CCDC178: variants seen among roughly 807,000 people sequenced by gnomAD.
CCDC178 encodes coiled-coil domain containing 178.
In CCDC178, 126 loss-of-function variants were observed where a neutral mutation model predicts 117.4. The ratio of observed to expected loss-of-function variants is 1.07; its 90% confidence interval spans 0.93 to 1.24. The LOEUF (loss-of-function observed/expected upper bound fraction) is 1.24, where lower values mean the gene tolerates loss of function less well. CCDC178 is among the 50% of genes most tolerant of loss of function. The probability of loss-of-function intolerance (pLI) is 0.00; values close to 1 mark genes in which losing one functional copy is unlikely to be tolerated. For synonymous variants in CCDC178, 283 were observed against 313.4 expected (o/e 0.90, Z 1.02); for missense variants, 1,030 against 986.9 (o/e 1.04, Z -0.59).
Position 32,969,501 on chromosome 18 carries a change from T to C in CCDC178, c.2523+5046A>G, listed in dbSNP as rs542941989. On this transcript the variant is annotated intron_variant, in intron 22 of 22. Coordinates refer to ENST00000383096, the MANE Select transcript of CCDC178 (RefSeq NM_001105528.4). The stretch of plus-strand genomic sequence containing the variant: ...CCTCTCCCATGATTTGTTCCCAGTG[T>C]TGGCTTCTAGAGCTCAACAAACTAT... 2.0e-4 allele frequency among the ~76,000 whole-genome samples: 30 copies of C among 152,182 alleles called. 1 individual carries two copies. In the Middle Eastern group the frequency reaches 0.01, roughly 52 times the overall value.
chr18:33,136,242 A>G (rs1432097844), intron 20 of CCDC178, among the ~76,000 whole-genome samples: 1 of 152,174 alleles, frequency 6.6e-6, no homozygotes, highest in African/African-American at 2.4e-5. Context: ...ATATGGTGAA[A>G]TGACATGTTC....
chr18:33,104,287 T>C (rs1047048385), intron 20 of CCDC178, among the ~76,000 whole-genome samples: 3 of 151,676 alleles, frequency 2.0e-5, no homozygotes, highest in African/African-American at 7.2e-5. Flanking sequence ...CATAGATCTC[T>C]CAGGATTCAT....
At chr18:32,969,850 T>C (rs552044284) in intron 22 of CCDC178, among the ~76,000 whole-genome samples, 2 of 152,196 alleles carry the variant, frequency 1.3e-5, no homozygotes, top group South Asian at 2.1e-4. Context: ...GATTTGCTAG[T>C]GCTCAGTCTT....
intron 21 of CCDC178, among the ~76,000 whole-genome samples, chr18:33,083,082 G>A (rs914206807): frequency 1.3e-5 from 2 of 152,070 alleles, no homozygotes; most frequent in Non-Finnish European, 2.9e-5. Flanking sequence ...AACTTACTAC[G>A]TATCAAAGGC....
At chr18:33,435,937 C>G (rs1204983255) in intron 2 of CCDC178, among the ~76,000 whole-genome samples, 1 of 151,800 alleles carries the variant, frequency 6.6e-6, no homozygotes, top group Non-Finnish European at 1.5e-5. Context: ...GAGAGGACCA[C>G]TGAAACTTCA....
intron 12 of CCDC178, among the ~76,000 whole-genome samples, chr18:33,279,952 A>C (rs1447633333): frequency 5.3e-5 from 8 of 152,170 alleles, no homozygotes; most frequent in African/African-American, 1.7e-4. Context: ...AAAATTAATT[A>C]AAGACGGATT....
At chr18:33,221,629 T>C (rs1171040807) in intron 18 of CCDC178, among the ~76,000 whole-genome samples, 2 of 152,142 alleles carry the variant, frequency 1.3e-5, no homozygotes, top group East Asian at 1.9e-4. Context: ...GCTCTTGAAC[T>C]ATACTTCTTT....
chr18:33,079,441 C>G (rs1466275071), intron 21 of CCDC178, among the ~76,000 whole-genome samples: 1 of 152,102 alleles, frequency 6.6e-6, no homozygotes, highest in African/African-American at 2.4e-5. Context: ...TCTAATTAAA[C>G]CAAACAGCTT....
intron 20 of CCDC178, among the ~76,000 whole-genome samples, chr18:33,131,393 A>G (rs1444008857): frequency 6.6e-6 from 1 of 151,828 alleles, no homozygotes; most frequent in Non-Finnish European, 1.5e-5. Flanking sequence ...GAAAAATGAA[A>G]AAAATCATGC....
chr18:32,983,798 T>A (rs186858724), intron 21 of CCDC178, among the ~76,000 whole-genome samples: 2 of 152,186 alleles, frequency 1.3e-5, no homozygotes, highest in Admixed American at 1.3e-4. Flanking sequence ...GGTATGTGCA[T>A]GCAATTTTAA....
intron 15 of CCDC178, among the ~76,000 whole-genome samples, chr18:33,243,620 C>T (rs965105157): frequency 1.1e-4 from 17 of 151,812 alleles, no homozygotes; most frequent in Non-Finnish European, 2.1e-4. Flanking sequence ...ATCAAACTTG[C>T]ATTGAATCTG....
chr18:33,091,818 T>C (rs1001370182), intron 21 of CCDC178, among the ~76,000 whole-genome samples: 6 of 152,158 alleles, frequency 3.9e-5, no homozygotes, highest in African/African-American at 1.2e-4. Context: ...TGAATGGCTC[T>C]TTTTTATTAC....
intron 15 of CCDC178, among the ~76,000 whole-genome samples, chr18:33,235,030 T>C (rs1397339023): frequency 6.6e-6 from 1 of 152,314 alleles, no homozygotes; most frequent in South Asian, 2.1e-4. Flanking sequence ...GCAGAAATTA[T>C]GCCCTCCAAG....
chr18:33,103,271 T>C (rs1327169292), intron 20 of CCDC178, among the ~76,000 whole-genome samples: 3 of 151,658 alleles, frequency 2.0e-5, no homozygotes, highest in Non-Finnish European at 4.4e-5. Context: ...GTGAAACTTA[T>C]TCACTACCAT....
intron 2 of CCDC178, among the ~76,000 whole-genome samples, chr18:33,435,300 C>T (rs371523070): frequency 1.3e-5 from 2 of 152,242 alleles, no homozygotes; most frequent in South Asian, 2.1e-4. Flanking sequence ...CCTTCAACTA[C>T]TCAATAGTCA....
chr18:33,195,206 T>C (rs2058917143), intron 20 of CCDC178, among the ~76,000 whole-genome samples: 2 of 150,776 alleles, frequency 1.3e-5, no homozygotes, highest in South Asian at 4.3e-4. Flanking sequence ...TAAAGAAAAG[T>C]TTAGTAAAAT....
intron 21 of CCDC178, among the ~76,000 whole-genome samples, chr18:33,031,656 C>T (rs1489473317): frequency 1.3e-5 from 2 of 151,848 alleles, no homozygotes; most frequent in African/African-American, 4.8e-5. Context: ...CAGCTGGCTC[C>T]AGTACAGTTT....
chr18:33,343,798 A>G (rs1370067310), intron 9 of CCDC178, among the ~76,000 whole-genome samples: 4 of 152,248 alleles, frequency 2.6e-5, no homozygotes, highest in African/African-American at 9.6e-5. Flanking sequence ...TATAATACTT[A>G]ACATTAAGTT....
chr18:33,200,562 T>C (rs1703936861), intron 20 of CCDC178, among the ~76,000 whole-genome samples: 1 of 152,218 alleles, frequency 6.6e-6, no homozygotes. Flanking sequence ...CTACAAACGC[T>C]ATAAACCAAC....
Sources: gnomAD v4.1 joint callset for allele counts (sites outside exome capture counted in the v4.1 genomes callset) on GRCh38, gnomAD v4.1.1 for gene constraint, MANE v1.5 for transcripts, NCBI Gene and HGNC (gene_info 2026-07-23, HGNC 2026-07-21) for gene names.